Variants in KCNB2 observed in about 807,000 individuals in gnomAD.
KCNB2 encodes potassium voltage-gated channel subfamily B member 2.
Under a neutral mutation model 61.5 loss-of-function variants are expected in KCNB2, and 15 were observed. That is an observed-to-expected ratio of 0.24 (90% CI 0.16 to 0.38). The LOEUF (loss-of-function observed/expected upper bound fraction) is 0.38, where lower values mean the gene tolerates loss of function less well. Among genes scored for constraint, KCNB2 ranks in the 10% least tolerant of loss-of-function variants. The probability of loss-of-function intolerance (pLI) is 1.00; values close to 1 mark genes in which losing one functional copy is unlikely to be tolerated. For missense variants in KCNB2, 828 were observed against 1,125.2 expected, an observed-to-expected ratio of 0.74 and a Z score of 3.78; for synonymous variants, 457 against 446.0, an observed-to-expected ratio of 1.02 and a Z score of -0.31.
In KCNB2 at chr8:72,938,008, A is replaced by G; in HGVS notation, c.2653A>G (p.Met885Val). 3.1e-6 allele frequency: 5 copies of G among 1,614,188 alleles called. No individual in the cohort carries two copies. Among genetic ancestry groups the G allele is most frequent in the Non-Finnish European group, 4.2e-6 (5 of 1,180,020 alleles). Reference sequence around the variant, plus strand: ...GGACAGTAGTCAAGAAGGGTGCAAGATGGAAAATCACTTGTTTGCCCCAGA... The same window carrying G: ...GGACAGTAGTCAAGAAGGGTGCAAGGTGGAAAATCACTTGTTTGCCCCAGA... ...KKDSSQEGCK[M>V]ENHLFAPEIH... The change falls in exon 3 of 3, where the codon ATG (methionine) becomes GTG (valine). Residue 885 changes from methionine (M) to valine (V), a missense_variant. By Grantham distance (21) the Met-to-Val change is conservative. Transcript: ENST00000523207.
At chr8:72,764,838 C>T (rs969090273) in intron 2 of KCNB2, among the ~76,000 whole-genome samples, 11 of 152,114 alleles carry the variant, frequency 7.2e-5, no homozygotes, top group African/African-American at 2.4e-4. Flanking sequence ...TTCCACTCAA[C>T]GGAAGCATAG....
intron 2 of KCNB2, among the ~76,000 whole-genome samples, chr8:72,594,129 A>G (rs2128981731): frequency 6.6e-6 from 1 of 152,342 alleles, no homozygotes; most frequent in South Asian, 2.1e-4. Context: ...ACCTCATCTT[A>G]GTATTGCAGA....
At chr8:72,671,170 A>G (rs901726448) in intron 2 of KCNB2, among the ~76,000 whole-genome samples, 1 of 152,218 alleles carries the variant, frequency 6.6e-6, no homozygotes, top group African/African-American at 2.4e-5. Flanking sequence ...CACTACAGAT[A>G]CTATCACTCA....
intron 2 of KCNB2, among the ~76,000 whole-genome samples, chr8:72,901,959 A>G (rs994909137): frequency 2.6e-5 from 4 of 152,132 alleles, no homozygotes; most frequent in Non-Finnish European, 5.9e-5. Flanking sequence ...TGATGTCTTG[A>G]GGAGAGCAGG....
intron 2 of KCNB2, among the ~76,000 whole-genome samples, chr8:72,624,602 C>G (rs1394182987): frequency 1.3e-5 from 2 of 151,960 alleles, no homozygotes; most frequent in African/African-American, 4.8e-5. Flanking sequence ...TTAGATTAAC[C>G]CTACCTGATC....
intron 2 of KCNB2, among the ~76,000 whole-genome samples, chr8:72,834,446 C>T (rs1809747256): frequency 6.6e-6 from 1 of 152,216 alleles, no homozygotes; most frequent in Admixed American, 6.5e-5. Context: ...CATCAGCCTT[C>T]ACTTAAGCCT....
chr8:72,859,349 A>G (rs1006342422), intron 2 of KCNB2, among the ~76,000 whole-genome samples: 1 of 152,228 alleles, frequency 6.6e-6, no homozygotes, highest in Non-Finnish European at 1.5e-5. Flanking sequence ...ATTTCAAATA[A>G]CATCATTATT....
At chr8:72,706,776 A>G (rs901993573) in intron 2 of KCNB2, among the ~76,000 whole-genome samples, 1 of 152,226 alleles carries the variant, frequency 6.6e-6, no homozygotes, top group African/African-American at 2.4e-5. Context: ...CAAATTTCTT[A>G]AAAATAACAA....
chr8:72,731,886 G>C (rs1484766012), intron 2 of KCNB2, among the ~76,000 whole-genome samples: 1 of 152,112 alleles, frequency 6.6e-6, no homozygotes. Flanking sequence ...GTGAGTCTGG[G>C]GCCACTTTGG....
chr8:72,664,895 T>C (rs186684526), intron 2 of KCNB2, among the ~76,000 whole-genome samples: 1 of 152,186 alleles, frequency 6.6e-6, no homozygotes, highest in Admixed American at 6.5e-5. Flanking sequence ...CATGTCGAGA[T>C]AGGCTAAGGA....
At chr8:72,702,838 C>T (rs1807156223) in intron 2 of KCNB2, among the ~76,000 whole-genome samples, 1 of 152,110 alleles carries the variant, frequency 6.6e-6, no homozygotes, top group African/African-American at 2.4e-5. Flanking sequence ...AGCTGTGTCA[C>T]CAGGTGTTAG....
intron 2 of KCNB2, among the ~76,000 whole-genome samples, chr8:72,599,758 C>A (rs1322204253): frequency 6.6e-6 from 1 of 151,986 alleles, no homozygotes; most frequent in Non-Finnish European, 1.5e-5. Flanking sequence ...AATAAAAAAA[C>A]AAACAACCCC....
At chr8:72,892,646 G>A (rs1805916975) in intron 2 of KCNB2, among the ~76,000 whole-genome samples, 1 of 152,142 alleles carries the variant, frequency 6.6e-6, no homozygotes, top group Non-Finnish European at 1.5e-5. Flanking sequence ...TTATGTCCCT[G>A]CAAACTGGCA....
At chr8:72,720,289 T>C (rs1807526433) in intron 2 of KCNB2, among the ~76,000 whole-genome samples, 1 of 152,212 alleles carries the variant, frequency 6.6e-6, no homozygotes, top group Non-Finnish European at 1.5e-5. Context: ...AATGGTCATG[T>C]ATAGAAGACA....
chr8:72,856,905 A>G (rs940053558), intron 2 of KCNB2, among the ~76,000 whole-genome samples: 5 of 152,218 alleles, frequency 3.3e-5, no homozygotes, highest in African/African-American at 1.2e-4. Flanking sequence ...AGTGAGAATC[A>G]ACAAAGTATC....
At chr8:72,782,154 C>T (rs536543653) in intron 2 of KCNB2, among the ~76,000 whole-genome samples, 146 of 152,074 alleles carry the variant, frequency 9.6e-4, no homozygotes, top group African/African-American at 3.5e-3. Flanking sequence ...GAAAGGCCAC[C>T]CTTTCCAAAC....
chr8:72,618,846 A>AT (rs1242447078), intron 2 of KCNB2: 3 of 241,618 alleles, frequency 1.2e-5, no homozygotes, highest in South Asian at 5.8e-5. Context: ...ATAGAACTCC[A>AT]TTTTTTTCTT....
chr8:72,566,644 T>C (rs1446799253), intron 1 of KCNB2, among the ~76,000 whole-genome samples: 1 of 151,316 alleles, frequency 6.6e-6, no homozygotes, highest in Non-Finnish European at 1.5e-5. Context: ...GAGGCAGAAG[T>C]TGCAGTGAGC....
At position 72,567,984 on chromosome 8, in the gene KCNB2, G is replaced by A; in HGVS notation, c.250G>A (p.Glu84Lys). 6.2e-7 allele frequency: 1 copy of A among 1,614,082 alleles called. No individual in the cohort carries two copies. The highest frequency in any genetic ancestry group is 8.5e-7 in the Non-Finnish European group (1 of 1,179,992). ...LEVCDDYNLN[E>K]NEYFFDRHPG... ...AGTGTGCGACGACTATAATCTGAAC[G>A]AGAACGAGTATTTCTTTGATCGGCA... Residue 84 changes from glutamate (E) to lysine (K), a missense_variant, in exon 2 of 3, where the codon GAG (glutamate) becomes AAG (lysine). Glu to Lys is a moderately conservative substitution (Grantham distance 56). Around this residue, in one of 4 missense-constraint regions of KCNB2, gnomAD observed 163 missense variants for 314.4 expected, o/e 0.52. Coordinates refer to ENST00000523207, the MANE Select transcript of KCNB2 (RefSeq NM_004770.3).
Sources: gnomAD v4.1 joint callset for allele counts (sites outside exome capture counted in the v4.1 genomes callset) on GRCh38, gnomAD v4.1.1 for gene constraint, gnomAD v4.1.1 regional missense constraint, MANE v1.5 for transcripts, NCBI Gene and HGNC (gene_info 2026-07-23, HGNC 2026-07-21) for gene names.